The following AFAP1 variants were observed in gnomAD, a reference collection of about 807,000 sequenced individuals.
AFAP1 encodes actin filament-associated protein 1.
In AFAP1, 75 loss-of-function variants were observed where a neutral mutation model predicts 93.9. That is an observed-to-expected ratio of 0.80 (90% confidence interval 0.66 to 0.97). The LOEUF (loss-of-function observed/expected upper bound fraction) is 0.97. Ranked by LOEUF, AFAP1 falls within the 50% of genes least tolerant of loss-of-function variation. The probability of loss-of-function intolerance (pLI) is 0.00; values close to 1 mark genes in which losing one functional copy is unlikely to be tolerated. For missense variants in AFAP1, 1,201 were observed against 1,050.8 expected (o/e 1.14, Z -1.98); for synonymous variants, 517 against 430.7 (o/e 1.20, Z -2.48).
At chr4:7,818,469 G>A (rs1720679777) in intron 7 of AFAP1, among the ~76,000 whole-genome samples, 1 of 152,184 alleles carries the variant, frequency 6.6e-6, no homozygotes, top group African/African-American at 2.4e-5. Context: ...AGGGACACAA[G>A]CTGCCAACAG....
chr4:7,893,917 A>T (rs112925908), intron 1 of AFAP1, among the ~76,000 whole-genome samples: 9 of 152,140 alleles, frequency 5.9e-5, no homozygotes, highest in African/African-American at 2.2e-4. Context: ...AATAATGCAA[A>T]CGCTGCCGCC....
chr4:7,769,447 C>G (rs924947746), intron 16 of AFAP1, among the ~76,000 whole-genome samples: 1 of 152,214 alleles, frequency 6.6e-6, no homozygotes, highest in African/African-American at 2.4e-5. Context: ...CACTGGCTAA[C>G]GGGATGCAGC....
intron 1 of AFAP1, among the ~76,000 whole-genome samples, chr4:7,923,678 G>A (rs1164975866): frequency 1.3e-5 from 2 of 152,086 alleles, no homozygotes; most frequent in African/African-American, 4.8e-5. Context: ...AGGGTTTCAG[G>A]ATGGTCTCAA....
chr4:7,860,817 C>G (rs1715587829), intron 3 of AFAP1, among the ~76,000 whole-genome samples: 1 of 152,148 alleles, frequency 6.6e-6, no homozygotes, highest in Non-Finnish European at 1.5e-5. Flanking sequence ...CTTTTGCTCC[C>G]ATATCACACA....
At chr4:7,895,565 T>A (rs1718716012) in intron 1 of AFAP1, among the ~76,000 whole-genome samples, 1 of 152,164 alleles carries the variant, frequency 6.6e-6, no homozygotes, top group Non-Finnish European at 1.5e-5. Flanking sequence ...CTCCCTTACA[T>A]GTTTCATGCA....
chr4:7,868,297 T>C (rs1461840586), intron 3 of AFAP1, among the ~76,000 whole-genome samples: 1 of 152,198 alleles, frequency 6.6e-6, no homozygotes, highest in South Asian at 2.1e-4. Flanking sequence ...CAGATACTTT[T>C]GTCTGCTAAA....
chr4:7,874,381 TG>T (rs1717346863), intron 1 of AFAP1, among the ~76,000 whole-genome samples: 3 of 117,512 alleles, frequency 2.6e-5, no homozygotes, highest in African/African-American at 2.9e-5. Flanking sequence ...TTTTTTTTTT[TG>T]AGACAGAGTC....
chr4:7,936,485 T>G (rs956022644), intron 1 of AFAP1, among the ~76,000 whole-genome samples: 3 of 151,848 alleles, frequency 2.0e-5, no homozygotes, highest in African/African-American at 7.3e-5. Flanking sequence ...CCACAGCACC[T>G]GGCCTTACTG....
intron 16 of AFAP1, among the ~76,000 whole-genome samples, chr4:7,771,229 C>A (rs1715384045): frequency 6.6e-6 from 1 of 152,188 alleles, no homozygotes; most frequent in Admixed American, 6.5e-5. Flanking sequence ...AGAGGGAACA[C>A]AGAATGTGGG....
Position 7,759,172 on chromosome 4 carries a change from C to A in AFAP1, c.*4593G>T, listed in dbSNP as rs986843399. 1 of 152,636 alleles carries A rather than the reference C, an allele frequency of 6.6e-6. No homozygotes were observed. Among genetic ancestry groups the A allele is most frequent in the African/African-American group, 2.4e-5 (1 of 41,452 alleles). 9.5% of individuals were successfully genotyped at this position (152,636 alleles called of 1,614,324 possible). A position where few individuals can be genotyped will look rare whatever the true frequency, so the allele number is the denominator to read the frequency against. On this transcript the variant is annotated 3_prime_UTR_variant, in exon 18 of 18. Transcript: ENST00000420658. ...AAAATGTAAAGTGAATATTTCCTTT[C>A]TTGTTAGAAAATCAAAAAGATTATC...
intron 10 of AFAP1, among the ~76,000 whole-genome samples, chr4:7,796,681 A>G (rs945265917): frequency 2.0e-5 from 3 of 149,436 alleles, no homozygotes; most frequent in Non-Finnish European, 4.4e-5. Flanking sequence ...AACCCGGGAG[A>G]CGGAGCTTGC....
chr4:7,907,367 C>A (rs1371679128), intron 1 of AFAP1, among the ~76,000 whole-genome samples: 1 of 152,170 alleles, frequency 6.6e-6, no homozygotes, highest in Non-Finnish European at 1.5e-5. Flanking sequence ...TTCCCATGTT[C>A]TTTGTCCATG....
intron 4 of AFAP1, among the ~76,000 whole-genome samples, chr4:7,853,893 G>T (rs1396785190): frequency 1.3e-5 from 2 of 152,156 alleles, no homozygotes; most frequent in South Asian, 4.1e-4. Context: ...TCATTCCCCA[G>T]GCGTGAGTTC....
chr4:7,837,840 G>C (rs1245192062), intron 6 of AFAP1, among the ~76,000 whole-genome samples: 1 of 152,152 alleles, frequency 6.6e-6, no homozygotes, highest in South Asian at 2.1e-4. Context: ...GCCACATGGA[G>C]AAATGCTGTC....
At chr4:7,926,859 C>G (rs1720799121) in intron 1 of AFAP1, among the ~76,000 whole-genome samples, 1 of 152,218 alleles carries the variant, frequency 6.6e-6, no homozygotes, top group South Asian at 2.1e-4. Flanking sequence ...CCTCAGCCTC[C>G]CAAGTACCTG....
rs1283736420 is a variant in AFAP1 at position 7,790,643 on chromosome 4, C to T, written c.1412+3038G>A. 2.7e-5 allele frequency among the ~76,000 whole-genome samples: 4 copies of T among 150,898 alleles called. No individual in the cohort carries two copies. In the South Asian group the frequency reaches 8.3e-4, roughly 31 times the overall value. ...GGCAGATTTTGCAAAAATAGACTTA[C>T]GGATCTTATATCTCTTTAAAAACAC... is the stretch of plus-strand genomic sequence containing the variant. On this transcript the variant is annotated intron_variant, in intron 11 of 17. Coordinates refer to ENST00000420658, the MANE Select transcript of AFAP1 (RefSeq NM_001134647.2).
chr4:7,790,481 T>C (rs1232033491), intron 11 of AFAP1, among the ~76,000 whole-genome samples: 3 of 152,170 alleles, frequency 2.0e-5, no homozygotes, highest in Admixed American at 6.5e-5. Context: ...TAATTCAGGG[T>C]TTCTCTTAAA....
intron 1 of AFAP1, among the ~76,000 whole-genome samples, chr4:7,886,922 T>G (rs577901732): frequency 6.6e-6 from 1 of 152,230 alleles, no homozygotes; most frequent in Admixed American, 6.5e-5. Flanking sequence ...TTAAACACTA[T>G]GTTCACAACA....
chr4:7,937,521 C>T (rs1189147230), intron 1 of AFAP1, among the ~76,000 whole-genome samples: 2 of 152,230 alleles, frequency 1.3e-5, no homozygotes, highest in African/African-American at 4.8e-5. Context: ...AAGTCTTACT[C>T]TATCGCCCAG....
Sources: gnomAD v4.1 joint callset for allele counts (sites outside exome capture counted in the v4.1 genomes callset) on GRCh38, gnomAD v4.1.1 for gene constraint, MANE v1.5 for transcripts, NCBI Gene and HGNC (gene_info 2026-07-23, HGNC 2026-07-21) for gene names.